HS6ST3: variants seen among roughly 807,000 people sequenced by gnomAD.
HS6ST3 encodes heparan sulfate 6-O-sulfotransferase 3.
Under a neutral mutation model 36.7 loss-of-function variants are expected in HS6ST3, and 12 were observed. That is an observed-to-expected ratio of 0.33 (90% CI 0.21 to 0.53). HS6ST3 has a LOEUF of 0.53. HS6ST3 is among the 20% of genes least tolerant of loss of function. The pLI is 0.95. For synonymous variants in HS6ST3, 240 were observed against 257.5 expected (o/e 0.93, Z 0.65); for missense variants, 584 against 640.9 (o/e 0.91, Z 0.96).
chr13:96,817,697 A>G (rs1318774586), intron 1 of HS6ST3, among the ~76,000 whole-genome samples: 1 of 152,068 alleles, frequency 6.6e-6, no homozygotes, highest in Non-Finnish European at 1.5e-5. Context: ...ATTGTTTTTC[A>G]TTTAGATTAG....
intron 1 of HS6ST3, among the ~76,000 whole-genome samples, chr13:96,113,825 A>T (rs1474811611): frequency 1.3e-5 from 2 of 152,184 alleles, no homozygotes; most frequent in Non-Finnish European, 2.9e-5. Flanking sequence ...ATGCACTAAT[A>T]TATTCATTTT....
At chr13:96,335,024 C>T (rs1490643666) in intron 1 of HS6ST3, among the ~76,000 whole-genome samples, 1 of 152,102 alleles carries the variant, frequency 6.6e-6, no homozygotes, top group Non-Finnish European at 1.5e-5. Context: ...AAACATCTTC[C>T]AAAACTTGTG....
chr13:96,144,299 T>G (rs1327684375), intron 1 of HS6ST3, among the ~76,000 whole-genome samples: 1 of 152,212 alleles, frequency 6.6e-6, no homozygotes, highest in East Asian at 1.9e-4. Context: ...TTAAGATTAC[T>G]AAGTATACTG....
chr13:96,317,376 A>AAAAT (rs1407020827), intron 1 of HS6ST3, among the ~76,000 whole-genome samples: 1 of 7,316 alleles, frequency 1.4e-4, no homozygotes, highest in African/African-American at 3.8e-4. Context: ...ATAAAATTAT[A>AAAAT]TATATATATA....
intron 1 of HS6ST3, among the ~76,000 whole-genome samples, chr13:96,251,820 G>A (rs904609418): frequency 1.3e-5 from 2 of 151,680 alleles, no homozygotes; most frequent in Non-Finnish European, 2.9e-5. Context: ...CCATTATTTG[G>A]TTGTTCCGGA....
chr13:96,570,472 CA>C (rs2056297099), intron 1 of HS6ST3, among the ~76,000 whole-genome samples: 1 of 152,134 alleles, frequency 6.6e-6, no homozygotes, highest in African/African-American at 2.4e-5. Context: ...AAAGGATAAA[CA>C]AAGCTGCAGG....
intron 1 of HS6ST3, among the ~76,000 whole-genome samples, chr13:96,710,884 T>C (rs989220748): frequency 6.6e-6 from 1 of 152,238 alleles, no homozygotes; most frequent in Non-Finnish European, 1.5e-5. Context: ...TAACTGTCCC[T>C]GTTCTTTAAC....
At chr13:96,300,503 C>T (rs886531112) in intron 1 of HS6ST3, among the ~76,000 whole-genome samples, 1 of 151,962 alleles carries the variant, frequency 6.6e-6, no homozygotes, top group African/African-American at 2.4e-5. Context: ...GAGCTTTGGG[C>T]GGTGATACAG....
At chr13:96,348,925 A>T (rs1311103894) in intron 1 of HS6ST3, among the ~76,000 whole-genome samples, 1 of 152,210 alleles carries the variant, frequency 6.6e-6, no homozygotes, top group East Asian at 1.9e-4. Flanking sequence ...CACCAATAAA[A>T]GTCAGGGATG....
At chr13:96,765,623 TC>T (rs1877093663) in intron 1 of HS6ST3, among the ~76,000 whole-genome samples, 1 of 151,450 alleles carries the variant, frequency 6.6e-6, no homozygotes, top group Non-Finnish European at 1.5e-5. Flanking sequence ...TCTCTCTCTC[TC>T]TCTCTGTTTC....
At chr13:96,695,590 C>G (rs1042401250) in intron 1 of HS6ST3, among the ~76,000 whole-genome samples, 1 of 116,806 alleles carries the variant, frequency 8.6e-6, no homozygotes, top group Non-Finnish European at 1.8e-5. Flanking sequence ...ATACCACCAC[C>G]CTCAGCTGTT....
chr13:96,814,091 A>G (rs1048577649), intron 1 of HS6ST3, among the ~76,000 whole-genome samples: 1 of 152,180 alleles, frequency 6.6e-6, no homozygotes, highest in Admixed American at 6.5e-5. Flanking sequence ...CCTTAAAAAT[A>G]TCTGAATTGT....
At chr13:96,460,882 C>G (rs758645358) in intron 1 of HS6ST3, among the ~76,000 whole-genome samples, 30 of 152,148 alleles carry the variant, frequency 2.0e-4, no homozygotes, top group South Asian at 8.3e-4. Context: ...TATGTTCAAA[C>G]AATGCATGGG....
At chr13:96,670,577 A>C in intron 1 of HS6ST3, among the ~76,000 whole-genome samples, 1 of 152,086 alleles carries the variant, frequency 6.6e-6, no homozygotes, top group South Asian at 2.1e-4. Context: ...AAACCACAAG[A>C]GTGGTATTGA....
intron 1 of HS6ST3, among the ~76,000 whole-genome samples, chr13:96,579,422 A>G (rs1207461470): frequency 6.6e-6 from 1 of 152,182 alleles, no homozygotes; most frequent in Admixed American, 6.5e-5. Flanking sequence ...GCAAATCAAC[A>G]AACTCTTTAG....
At chr13:96,284,943 C>A (rs558217434) in intron 1 of HS6ST3, among the ~76,000 whole-genome samples, 1 of 149,440 alleles carries the variant, frequency 6.7e-6, no homozygotes, top group East Asian at 2.0e-4. Context: ...TTCTTTCTTT[C>A]TTTCTTTCTT....
intron 1 of HS6ST3, among the ~76,000 whole-genome samples, chr13:96,806,317 C>T (rs1319911195): frequency 6.6e-6 from 1 of 152,170 alleles, no homozygotes; most frequent in Non-Finnish European, 1.5e-5. Context: ...TTTTATTGGG[C>T]ATGTGCCAGG....
chr13:96,380,226 A>G (rs1319142527), intron 1 of HS6ST3, among the ~76,000 whole-genome samples: 2 of 150,148 alleles, frequency 1.3e-5, no homozygotes, highest in East Asian at 1.9e-4. Context: ...CCCAGATGAC[A>G]TATGAATCTT....
intron 1 of HS6ST3, among the ~76,000 whole-genome samples, chr13:96,167,780 G>C (rs2054168343): frequency 6.6e-6 from 1 of 152,088 alleles, no homozygotes; most frequent in Non-Finnish European, 1.5e-5. Flanking sequence ...AATTTTTATG[G>C]AAATCATTAA....
Sources: allele counts gnomAD v4.1 joint callset (sites outside exome capture counted in the v4.1 genomes callset), GRCh38; gene constraint gnomAD v4.1.1; transcripts MANE v1.5; gene names NCBI Gene and HGNC (gene_info 2026-07-23, HGNC 2026-07-21).